Variants in TTC34 observed in about 807,000 individuals in gnomAD.
TTC34 encodes the protein tetratricopeptide repeat domain 34, also known as tetratricopeptide repeat protein 34.
TTC34 carries 44 observed loss-of-function variants against 40.7 expected under a neutral mutation model. The observed-to-expected ratio is 1.08, with a 90% CI of 0.85 to 1.39. The LOEUF is 1.39. Ranked by LOEUF, TTC34 falls within the 40% of genes most tolerant of loss-of-function variation. The pLI is 0.00. For synonymous variants in TTC34, 422 were observed against 398.6 expected (o/e 1.06, Z -0.70); for missense variants, 884 against 838.0 (o/e 1.05, Z -0.68).
At chr1:2,777,870 G>A (rs1045065664) in intron 6 of TTC34, among the ~76,000 whole-genome samples, 1 of 152,306 alleles carries the variant, frequency 6.6e-6, no homozygotes, top group Admixed American at 6.5e-5. Context: ...GGATCCTGTG[G>A]TACCCCTTGG....
At chr1:2,798,061 C>G (rs532151843) in intron 2 of TTC34, among the ~76,000 whole-genome samples, 5 of 151,664 alleles carry the variant, frequency 3.3e-5, no homozygotes, top group African/African-American at 7.3e-5. Context: ...AGCCTCCCAG[C>G]CTCTCAGCCT....
exon 9 of TTC34, chr1:2,641,626 C>T (rs1638906018): frequency 5.2e-6 from 8 of 1,534,780 alleles, no homozygotes; most frequent in East Asian, 2.4e-5. Flanking sequence ...CTGCGGCCGC[C>T]GCCTCATCCC....
At position 2,641,449 on chromosome 1, in the gene TTC34, C is replaced by G. The variant is rs1267618298; in HGVS notation, c.3159G>C (p.Leu1053=). Residue 1053 remains leucine (L), a synonymous_variant, in exon 9 of 9, where the codon CTG becomes CTC. Transcript: ENST00000401095. ...TCAGGCCACGGTGGTCGGGGTCCAC[C>G]AGGAGGCCGCTCTCTACCGCCGTCC... 5.9e-6 allele frequency: 9 copies of G among 1,535,346 alleles called. No individual in the cohort carries two copies. The East Asian group carries it at 2.0e-4, about 33-fold the overall frequency.
intron 2 of TTC34, among the ~76,000 whole-genome samples, chr1:2,795,924 A>G (rs556798308): frequency 4.6e-5 from 7 of 152,340 alleles, no homozygotes; most frequent in Admixed American, 3.9e-4. Context: ...TACAGTTTGA[A>G]TGTTTGTTCC....
exon 2 of TTC34, chr1:2,800,532 G>T (rs542077002): frequency 2.5e-6 from 1 of 398,524 alleles, no homozygotes; most frequent in Non-Finnish European, 4.4e-6. Context: ...GGGGTGGTCC[G>T]GGCAGAGGGC....
intron 6 of TTC34, among the ~76,000 whole-genome samples, chr1:2,688,002 C>A (rs1640443835): frequency 9.2e-6 from 1 of 108,862 alleles, no homozygotes; most frequent in African/African-American, 3.3e-5. Context: ...GAACAGGACC[C>A]ACACCCCCAG....
chr1:2,638,966 A>C (rs1221633524), exon 9 of TTC34: 1 of 152,346 alleles, frequency 6.6e-6, no homozygotes, highest in Non-Finnish European at 1.5e-5. Context: ...TGAAGGTGCC[A>C]GCTCGCTCTC....
At chr1:2,699,713 A>C (rs1287812237) in intron 6 of TTC34, among the ~76,000 whole-genome samples, 1 of 59,060 alleles carries the variant, frequency 1.7e-5, no homozygotes, top group African/African-American at 4.4e-5. Flanking sequence ...AGCATCTGAC[A>C]GCCTGGAGCA....
intron 3 of TTC34, among the ~76,000 whole-genome samples, chr1:2,788,292 T>G (rs1050951379): frequency 7.0e-6 from 1 of 143,704 alleles, no homozygotes. Flanking sequence ...TTGTGTGTTG[T>G]GTGTGTGTTA....
exon 9 of TTC34, chr1:2,640,683 G>A (rs1216927477): frequency 6.6e-6 from 1 of 152,140 alleles, no homozygotes; most frequent in African/African-American, 2.4e-5. Context: ...CAAGGCTCAG[G>A]GTCCAAGCAA....
chr1:2,700,021 G>T (rs538165823), intron 6 of TTC34, among the ~76,000 whole-genome samples: 2 of 120,290 alleles, frequency 1.7e-5, no homozygotes, highest in African/African-American at 5.4e-5. Flanking sequence ...ACCCCCAGGT[G>T]AGCATCTGAT....
chr1:2,646,280 G>A (rs1420647663), intron 6 of TTC34, among the ~76,000 whole-genome samples: 1 of 152,134 alleles, frequency 6.6e-6, no homozygotes, highest in African/African-American at 2.4e-5. Flanking sequence ...TACCTAATAT[G>A]TGAGATCCCC....
intron 6 of TTC34, among the ~76,000 whole-genome samples, chr1:2,769,694 C>A (rs374756711): frequency 7.1e-6 from 1 of 141,288 alleles, no homozygotes; most frequent in East Asian, 2.2e-4. Context: ...ATCTGACAGT[C>A]TGGAGCAGCA....
exon 9 of TTC34, chr1:2,640,771 C>A (rs996492984): frequency 6.6e-6 from 1 of 151,582 alleles, no homozygotes; most frequent in African/African-American, 2.4e-5. Context: ...TGGCCTCAAA[C>A]CTGTCCAACC....
chr1:2,755,911 T>C (rs1432887492), intron 6 of TTC34, among the ~76,000 whole-genome samples: 2 of 73,196 alleles, frequency 2.7e-5, no homozygotes, highest in African/African-American at 1.1e-4. Context: ...CACCCCCAGG[T>C]GAGCATCTGA....
At chr1:2,641,977 T>C in intron 8 of TTC34, 82 bp from the exon 9 acceptor site, 1 of 1,367,336 alleles carries the variant, frequency 7.3e-7, no homozygotes, top group Non-Finnish European at 9.6e-7. Context: ...AGAGGTCCTC[T>C]GCACAGCCAG....
At chr1:2,641,520 G>A in exon 9 of TTC34, 1 of 1,535,452 alleles carries the variant, frequency 6.5e-7, no homozygotes, top group Non-Finnish European at 8.7e-7. Flanking sequence ...TGCCCGCGGA[G>A]AAGGAACATG....
At chr1:2,695,826 G>GGTGAACATCACA (rs1557626184) in intron 6 of TTC34, among the ~76,000 whole-genome samples, 1 of 151,466 alleles carries the variant, frequency 6.6e-6, no homozygotes, top group Non-Finnish European at 1.5e-5. Flanking sequence ...GCCTGGAACA[G>GGTGAACATCACA]CATCCACACC....
intron 4 of TTC34, among the ~76,000 whole-genome samples, chr1:2,786,542 T>C (rs6657596): frequency 5.1e-4 from 78 of 152,104 alleles, no homozygotes; most frequent in African/African-American, 1.8e-3. Flanking sequence ...GCTGGGACTC[T>C]CAGGGTTCCC....
Sources: allele counts gnomAD v4.1 joint callset (sites outside exome capture counted in the v4.1 genomes callset), GRCh38; gene constraint gnomAD v4.1.1; transcripts MANE v1.5; gene names NCBI Gene and HGNC (gene_info 2026-07-23, HGNC 2026-07-21).